Variants in ST3GAL2 observed in about 807,000 individuals in gnomAD.
ST3GAL2 encodes the protein ST3 beta-galactoside alpha-2,3-sialyltransferase 2, also known as CMP-N-acetylneuraminate-beta-galactosamide-alpha-2,3-sialyltransferase 2.
A neutral mutation model predicts 37.5 loss-of-function variants in ST3GAL2; 16 were observed. The observed-to-expected ratio is 0.43, with a 90% CI of 0.29 to 0.65. ST3GAL2 has a LOEUF of 0.65. Among genes scored for constraint, ST3GAL2 ranks in the 30% least tolerant of loss-of-function variants. The probability of loss-of-function intolerance (pLI) is 0.17; values close to 1 mark genes in which losing one functional copy is unlikely to be tolerated. For synonymous variants in ST3GAL2, 238 were observed against 202.9 expected (o/e 1.17, Z -1.47); for missense variants, 383 against 487.8 (o/e 0.79, Z 2.02).
At chr16:70,391,370 C>T (rs1297035089) in intron 3 of ST3GAL2, among the ~76,000 whole-genome samples, 1 of 152,226 alleles carries the variant, frequency 6.6e-6, no homozygotes, top group African/African-American at 2.4e-5. Context: ...GAACAGGGAT[C>T]TACTTCCAGC....
chr16:70,409,505 G>C (rs568138673), intron 1 of ST3GAL2, among the ~76,000 whole-genome samples: 1 of 152,262 alleles, frequency 6.6e-6, no homozygotes, highest in South Asian at 2.1e-4. Context: ...CACCATGCCT[G>C]GCTAATTTTG....
chr16:70,398,598 G>A lies in ST3GAL2; in HGVS notation c.-68C>T. 6.9e-7 allele frequency: 1 copy of A among 1,439,008 alleles called. No homozygotes were observed. The highest frequency in any genetic ancestry group is 9.3e-7 in the Non-Finnish European group (1 of 1,073,092). 89.1% of individuals were successfully genotyped at this position (1,439,008 alleles called of 1,614,324 possible). The stretch of plus-strand genomic sequence containing the variant: ...CCAGCCCGCTGAGGGGCCAGCCACG[G>A]CGTAGCCTGCCTATTCTGGCACCAC... On this transcript the variant is annotated 5_prime_UTR_variant, in exon 2 of 7. Transcript: ENST00000342907.
intron 1 of ST3GAL2, among the ~76,000 whole-genome samples, chr16:70,419,900 T>C (rs2047701967): frequency 6.6e-6 from 1 of 152,026 alleles, no homozygotes; most frequent in Non-Finnish European, 1.5e-5. Flanking sequence ...GGCAATATGA[T>C]GACAGCAACA....
chr16:70,426,841 T>C (rs185100884), intron 1 of ST3GAL2, among the ~76,000 whole-genome samples: 82 of 149,510 alleles, frequency 5.5e-4, no homozygotes, highest in Non-Finnish European at 9.1e-4. Flanking sequence ...AAGAATTATC[T>C]CTGGATTTTC....
At chr16:70,402,436 G>A (rs1300251150) in intron 1 of ST3GAL2, among the ~76,000 whole-genome samples, 1 of 152,162 alleles carries the variant, frequency 6.6e-6, no homozygotes, top group East Asian at 1.9e-4. Context: ...ATGGATAAAT[G>A]ATCACAGCAT....
intron 1 of ST3GAL2, among the ~76,000 whole-genome samples, chr16:70,401,808 C>G (rs1038032194): frequency 1.3e-5 from 2 of 152,038 alleles, no homozygotes; most frequent in Non-Finnish European, 2.9e-5. Flanking sequence ...GCCTGGCCAA[C>G]ATGGTGAAAC....
intron 4 of ST3GAL2, among the ~76,000 whole-genome samples, chr16:70,384,863 G>C (rs1002665677): frequency 4.0e-5 from 6 of 151,460 alleles, no homozygotes; most frequent in African/African-American, 1.5e-4. Context: ...ACAAAAATTA[G>C]CCGGGTATGG....
intron 1 of ST3GAL2, among the ~76,000 whole-genome samples, chr16:70,414,532 C>T (rs905426538): frequency 6.6e-6 from 1 of 152,224 alleles, no homozygotes; most frequent in Non-Finnish European, 1.5e-5. Context: ...GCCCATCTGA[C>T]TCTCTTCAAG....
At position 70,381,684 on chromosome 16, in the gene ST3GAL2, C is replaced by G; in HGVS notation, c.*5G>C. The G allele has an allele frequency of 1.2e-6, 2 of 1,612,632 alleles. No individual in the cohort carries two copies. The highest frequency in any genetic ancestry group is 1.7e-6 in the Non-Finnish European group (2 of 1,179,380). On this transcript the variant is annotated 3_prime_UTR_variant, in exon 7 of 7. Transcript: ENST00000342907. ...TGGGCCGGAAGGGTCGCGGCGAGGC[C>G]CGGCTCAGTTGCCCCGGTAGACTTC...
At chr16:70,430,550 G>C (rs1275141058) in intron 1 of ST3GAL2, among the ~76,000 whole-genome samples, 1 of 152,184 alleles carries the variant, frequency 6.6e-6, no homozygotes, top group Non-Finnish European at 1.5e-5. Context: ...GCCTGAATGG[G>C]ATCCCCATTC....
intron 1 of ST3GAL2, among the ~76,000 whole-genome samples, chr16:70,409,391 T>A (rs1384750583): frequency 6.6e-6 from 1 of 151,754 alleles, no homozygotes; most frequent in Non-Finnish European, 1.5e-5. Context: ...TTGCCCAGAC[T>A]GGAGTACAAT....
At position 70,411,982 on chromosome 16, in the gene ST3GAL2, G is replaced by A. The variant is rs144619775; in HGVS notation, c.-1003-12449C>T. On this transcript the variant is annotated intron_variant, in intron 1 of 6. Transcript: ENST00000342907. ...GCACTCCAGCCTGGGCAACAAGAGC[G>A]AAACTCCGTCTCAAAAAAAAAAAAA... Among the ~76,000 whole-genome samples the A allele has an allele frequency of 8.0e-4, 119 of 148,194 alleles. 2 individuals carry two copies. In the East Asian group the frequency reaches 8.7e-3, roughly 11 times the overall value.
intron 4 of ST3GAL2, among the ~76,000 whole-genome samples, chr16:70,388,056 G>A (rs891660059): frequency 3.3e-5 from 5 of 151,038 alleles, no homozygotes; most frequent in African/African-American, 1.2e-4. Context: ...ATGTTGCAGT[G>A]AGCCAAGATC....
chr16:70,430,994 G>A (rs776084715), intron 1 of ST3GAL2, among the ~76,000 whole-genome samples: 1 of 152,030 alleles, frequency 6.6e-6, no homozygotes, highest in African/African-American at 2.4e-5. Context: ...AGGAACAAAG[G>A]TTGGGGAAAC....
chr16:70,391,623 G>A (rs2047482609), intron 3 of ST3GAL2, among the ~76,000 whole-genome samples: 1 of 152,226 alleles, frequency 6.6e-6, no homozygotes, highest in African/African-American at 2.4e-5. Flanking sequence ...CAGTTGGAGA[G>A]GAAGCCTTAA....
At chr16:70,392,847 C>CCATCATAGCT (rs1241466833) in intron 3 of ST3GAL2, among the ~76,000 whole-genome samples, 11 of 151,226 alleles carry the variant, frequency 7.3e-5, no homozygotes, top group African/African-American at 2.4e-4. Context: ...TGCAGTGGTG[C>CCATCATAGCT]CATCATAGCT....
At chr16:70,415,346 C>G (rs1414639476) in intron 1 of ST3GAL2, among the ~76,000 whole-genome samples, 2 of 152,188 alleles carry the variant, frequency 1.3e-5, no homozygotes, top group Admixed American at 6.5e-5. Context: ...GGCACCACAG[C>G]AAGTCATCAA....
chr16:70,387,725 T>C (rs781095115), intron 4 of ST3GAL2, among the ~76,000 whole-genome samples: 51 of 152,174 alleles, frequency 3.4e-4, no homozygotes, highest in Non-Finnish European at 7.1e-4. Context: ...AGATTTCCCA[T>C]GGTTCCCGGC....
In ST3GAL2 at chr16:70,381,400, G is replaced by A. The variant is rs894839998; in HGVS notation, c.*289C>T. ...CCTAACCCAAAGCATGAGGGAGTGGGGATTGAGCGGCCGCTGGCCCGCCCC... is the reference window on the plus strand; with the variant it reads ...CCTAACCCAAAGCATGAGGGAGTGGAGATTGAGCGGCCGCTGGCCCGCCCC... On this transcript the variant is annotated 3_prime_UTR_variant, in exon 7 of 7. Transcript: ENST00000342907. The A allele has an allele frequency of 7.2e-6, 3 of 418,168 alleles. No homozygotes were observed. The highest frequency in any genetic ancestry group is 6.1e-5 in the African/African-American group (3 of 49,124). 25.9% of individuals were successfully genotyped at this position (418,168 alleles called of 1,614,324 possible). A position where few individuals can be genotyped will look rare whatever the true frequency, so the allele number is the denominator to read the frequency against.
Sources: gnomAD v4.1 joint callset for allele counts (sites outside exome capture counted in the v4.1 genomes callset) on GRCh38, gnomAD v4.1.1 for gene constraint, MANE v1.5 for transcripts, NCBI Gene and HGNC (gene_info 2026-07-23, HGNC 2026-07-21) for gene names.